SH3PXD2B: variants seen among roughly 807,000 people sequenced by gnomAD.
The protein encoded by SH3PXD2B is SH3 and PX domain-containing protein 2B.
A neutral mutation model predicts 73.1 loss-of-function variants in SH3PXD2B; 37 were observed. The observed-to-expected ratio is 0.51, with a 90% CI of 0.39 to 0.67. The LOEUF (loss-of-function observed/expected upper bound fraction) is 0.67, where lower values mean the gene tolerates loss of function less well. Ranked by LOEUF, SH3PXD2B falls within the 30% of genes least tolerant of loss-of-function variation. The pLI, the probability that SH3PXD2B is intolerant of heterozygous loss-of-function variation, is 0.00. For missense variants in SH3PXD2B, 1,053 were observed against 1,197.8 expected, an observed-to-expected ratio of 0.88 and a Z score of 1.78; for synonymous variants, 457 against 480.5, an observed-to-expected ratio of 0.95 and a Z score of 0.64.
At chr5:172,330,850 TA>T (rs1265006077), downstream of SH3PXD2B, among the ~76,000 whole-genome samples, 2 of 152,204 alleles carry the variant, frequency 1.3e-5, no homozygotes, top group African/African-American at 4.8e-5. Flanking sequence ...TAGTGAAGAT[TA>T]AAAGAGATAA....
intron 3 of SH3PXD2B, among the ~76,000 whole-genome samples, chr5:172,395,317 T>C (rs1319816215): frequency 6.6e-6 from 1 of 152,276 alleles, no homozygotes; most frequent in African/African-American, 2.4e-5. Flanking sequence ...GATAAATGTA[T>C]GAATGTGGCT....
intron 3 of SH3PXD2B, among the ~76,000 whole-genome samples, chr5:172,398,841 T>G (rs1758365642): frequency 6.6e-6 from 1 of 152,212 alleles, no homozygotes; most frequent in East Asian, 1.9e-4. Context: ...TCACTAGAAC[T>G]GGAATTCGTA....
chr5:172,366,578 G>A (rs1757531445), intron 6 of SH3PXD2B, among the ~76,000 whole-genome samples: 1 of 151,980 alleles, frequency 6.6e-6, no homozygotes, highest in Non-Finnish European at 1.5e-5. Flanking sequence ...CTCCTAACTG[G>A]TCCCTGGTAC....
Position 172,394,700 on chromosome 5 carries a change from TGA to T in SH3PXD2B, c.233-63_233-62del. ...GAACAGGGACAAGCTCTCAGCAACC[TGA>T]GAGGGTGTGGACATGGCGGTTCCTA... On this transcript the variant is annotated intron_variant, in intron 3 of 12. Transcript: ENST00000311601. The T allele has an allele frequency of 1.9e-6, 3 of 1,570,706 alleles. No homozygotes were observed. In the South Asian group the frequency reaches 3.4e-5, roughly 18 times the overall value.
chr5:172,373,356 A>T (rs1757749052), intron 6 of SH3PXD2B, among the ~76,000 whole-genome samples: 1 of 152,196 alleles, frequency 6.6e-6, no homozygotes, highest in Non-Finnish European at 1.5e-5. Flanking sequence ...CCTGAGAAGA[A>T]TGCTCTTAGC....
intron 1 of SH3PXD2B, among the ~76,000 whole-genome samples, 193 bp downstream of exon 1, chr5:172,454,085 A>G (rs551070688): frequency 7.1e-6 from 1 of 140,558 alleles, no homozygotes; most frequent in South Asian, 2.6e-4. Context: ...GAACGAGGCA[A>G]AAGCGGGGAG....
chr5:172,384,667 T>C (rs1758020111), intron 4 of SH3PXD2B, among the ~76,000 whole-genome samples: 3 of 152,256 alleles, frequency 2.0e-5, no homozygotes. Flanking sequence ...AGGTTCATGC[T>C]TGCAGCAGGC....
At chr5:172,452,974 A>C (rs866375474) in intron 1 of SH3PXD2B, among the ~76,000 whole-genome samples, 6 of 152,316 alleles carry the variant, frequency 3.9e-5, no homozygotes, top group Non-Finnish European at 7.4e-5. Context: ...GGGCTGAATA[A>C]CTGGCTGCCC....
intron 1 of SH3PXD2B, among the ~76,000 whole-genome samples, chr5:172,430,423 T>C (rs1332124104): frequency 6.6e-6 from 1 of 152,094 alleles, no homozygotes; most frequent in Non-Finnish European, 1.5e-5. Flanking sequence ...GGGGCACAGG[T>C]TTCCCAGCTT....
In SH3PXD2B at chr5:172,454,404, TGCAGGGAGC is replaced by T; in HGVS notation, c.-61_-53del. The T allele has an allele frequency of 8.5e-7, 1 of 1,180,500 alleles. No individual in the cohort carries two copies. The highest frequency in any genetic ancestry group is 1.1e-6 in the Non-Finnish European group (1 of 947,462). The allele number at this position is 1,180,500 out of a possible 1,614,324, so 73.1% of individuals were successfully genotyped here. On this transcript the variant is annotated 5_prime_UTR_variant, in exon 1 of 13. Coordinates refer to ENST00000311601, the MANE Select transcript of SH3PXD2B (RefSeq NM_001017995.3). ...GAGCGCGGGTGCGGGTGGCGCGGGGTGCAGGGAGCGCTGGGGGCGCGCCGCCGCGGGCAG... is the reference window on the plus strand; with the variant it reads ...GAGCGCGGGTGCGGGTGGCGCGGGGTGCTGGGGGCGCGCCGCCGCGGGCAG...
intron 4 of SH3PXD2B, among the ~76,000 whole-genome samples, chr5:172,391,469 TTC>T (rs1758188831): frequency 6.6e-6 from 1 of 152,166 alleles, no homozygotes; most frequent in Admixed American, 6.5e-5. Context: ...TGCCATTTCT[TTC>T]TCTTTTTTTG....
chr5:172,386,230 G>A (rs1758057028), intron 4 of SH3PXD2B, among the ~76,000 whole-genome samples: 1 of 152,214 alleles, frequency 6.6e-6, no homozygotes, highest in African/African-American at 2.4e-5. Flanking sequence ...CTGTGCTATA[G>A]AATAAGTGAG....
chr5:172,352,063 T>G (rs1194522541), intron 9 of SH3PXD2B, among the ~76,000 whole-genome samples: 4 of 152,336 alleles, frequency 2.6e-5, no homozygotes, highest in African/African-American at 7.2e-5. Context: ...TTGAGATGAC[T>G]GCAGCCCTTA....
At chr5:172,433,739 CCTCT>C (rs1317576684) in intron 1 of SH3PXD2B, among the ~76,000 whole-genome samples, 2 of 152,160 alleles carry the variant, frequency 1.3e-5, no homozygotes, top group East Asian at 1.9e-4. Context: ...CCTCTTACAG[CCTCT>C]CTGTTATCTG....
At position 172,358,777 on chromosome 5, in the gene SH3PXD2B, T is replaced by C. The variant is rs1446858862; in HGVS notation, c.663A>G (p.Glu221=). 8 of 1,611,938 alleles carry C rather than the reference T, an allele frequency of 5.0e-6. No individual in the cohort carries two copies. In the Middle Eastern group the frequency reaches 1.0e-3, roughly 206 times the overall value. Reference sequence around the variant, plus strand: ...GAGGCTCGAGCTCCTCCCTACCTTCTTCAGGCTGCAGAGAAAACTCATCCT... The same window carrying C: ...GAGGCTCGAGCTCCTCCCTACCTTCCTCAGGCTGCAGAGAAAACTCATCCT... ...GVQDEFSLQP[E]EEEKYTVIYP... is the part of the protein sequence containing the mutation. Residue 221 remains glutamate, a synonymous_variant, in exon 8 of 13, where the codon GAA becomes GAG. Transcript: ENST00000311601.
chr5:172,365,009 G>C (rs1487650616), intron 6 of SH3PXD2B, among the ~76,000 whole-genome samples: 1 of 152,206 alleles, frequency 6.6e-6, no homozygotes, highest in African/African-American at 2.4e-5. Context: ...GGGCATTGTA[G>C]CTGGGTGAAG....
intron 12 of SH3PXD2B, among the ~76,000 whole-genome samples, 163 bp from the exon 13 acceptor site, chr5:172,340,079 T>C (rs1009895205): frequency 6.6e-6 from 1 of 152,232 alleles, no homozygotes; most frequent in East Asian, 1.9e-4. Flanking sequence ...GATGTTACCA[T>C]GTTCCGGGAA....
chr5:172,403,526 G>T (rs992408541), intron 3 of SH3PXD2B, among the ~76,000 whole-genome samples: 2 of 152,138 alleles, frequency 1.3e-5, no homozygotes, highest in Non-Finnish European at 2.9e-5. Context: ...GCCACAAGTG[G>T]GTGCCTTGAG....
chr5:172,436,460 T>C (rs1423989476), intron 1 of SH3PXD2B, among the ~76,000 whole-genome samples: 1 of 152,228 alleles, frequency 6.6e-6, no homozygotes, highest in Non-Finnish European at 1.5e-5. Context: ...GTTCCAGGCC[T>C]TTAAAACATT....
Sources: gnomAD v4.1 joint callset for allele counts (sites outside exome capture counted in the v4.1 genomes callset) on GRCh38, gnomAD v4.1.1 for gene constraint, MANE v1.5 for transcripts, NCBI Gene and HGNC (gene_info 2026-07-23, HGNC 2026-07-21) for gene names.